Variants in KLF8 observed in about 807,000 individuals in gnomAD.
KLF8 encodes the protein KLF transcription factor 8.
A neutral mutation model predicts 18.2 loss-of-function variants in KLF8; 10 were observed. The observed-to-expected ratio is 0.55, with a 90% CI of 0.34 to 0.93. The LOEUF is 0.93. Ranked by LOEUF, KLF8 falls within the 40% of genes least tolerant of loss-of-function variation. The pLI is 0.02. For synonymous variants in KLF8, 109 were observed against 97.3 expected (o/e 1.12, Z -0.71); for missense variants, 264 against 277.9 (o/e 0.95, Z 0.36).
At chrX:56,146,541 A>G in the KLF8 span, among the ~76,000 whole-genome samples, 1 of 110,599 alleles carries the variant, frequency 9.0e-6, no homozygotes, top group African/African-American at 3.3e-5. Context: ...GGAGGGGAAC[A>G]TCACACGCTG....
At chrX:55,987,902 G>T in the KLF8 span, among the ~76,000 whole-genome samples, 1 of 111,997 alleles carries the variant, frequency 8.9e-6, no homozygotes, top group East Asian at 2.8e-4. Flanking sequence ...TCTAACTGGT[G>T]TGAGATGGTA....
the KLF8 span, among the ~76,000 whole-genome samples, chrX:55,934,739 T>A: frequency 8.9e-6 from 1 of 112,316 alleles, no homozygotes; most frequent in African/African-American, 3.2e-5. Context: ...ATGATGCCAT[T>A]AAGAAAAGTA....
chrX:56,185,287 A>C, the KLF8 span, among the ~76,000 whole-genome samples: 17 of 112,083 alleles, frequency 1.5e-4, no homozygotes, highest in Non-Finnish European at 2.8e-4. Context: ...ATAGAAGATG[A>C]AATGAATGAA....
chrX:56,157,892 T>G, the KLF8 span, among the ~76,000 whole-genome samples: 1 of 111,844 alleles, frequency 8.9e-6, no homozygotes, highest in Non-Finnish European at 1.9e-5. Flanking sequence ...CTCTTGAGTT[T>G]AATTAGATCC....
At chrX:56,042,935 G>C in the KLF8 span, among the ~76,000 whole-genome samples, 1 of 111,780 alleles carries the variant, frequency 8.9e-6, no homozygotes, top group Non-Finnish European at 1.9e-5. Flanking sequence ...GTGTACTTCA[G>C]TATGTTTTTG....
At chrX:56,154,162 C>T in the KLF8 span, among the ~76,000 whole-genome samples, 49 of 111,391 alleles carry the variant, frequency 4.4e-4, no homozygotes, top group East Asian at 2.2e-3. Flanking sequence ...GGAGGCATCA[C>T]GCTACCTGAC....
chrX:56,271,037 C>T (rs2067051006), intron 5 of KLF8, among the ~76,000 whole-genome samples: 1 of 112,108 alleles, frequency 8.9e-6, no homozygotes, highest in African/African-American at 3.2e-5. Context: ...TTTTAAAATA[C>T]AGTATAACAA....
chrX:55,981,709 G>A, the KLF8 span, among the ~76,000 whole-genome samples: 53 of 111,791 alleles, frequency 4.7e-4, no homozygotes, highest in South Asian at 8.2e-3. Flanking sequence ...GTGGAATCTT[G>A]GAAAGCATAA....
upstream of KLF8, among the ~76,000 whole-genome samples, chrX:56,231,267 G>A (rs927067694): frequency 8.9e-6 from 1 of 111,834 alleles, no homozygotes; most frequent in Admixed American, 9.4e-5. Flanking sequence ...GGAAAGGAAG[G>A]TAGATGAGAT....
At chrX:56,099,033 C>T in the KLF8 span, among the ~76,000 whole-genome samples, 5 of 111,691 alleles carry the variant, frequency 4.5e-5, no homozygotes, top group South Asian at 3.8e-4. Context: ...ACATATGTCA[C>T]TTTATTGTGC....
At chrX:56,119,544 G>A in the KLF8 span, among the ~76,000 whole-genome samples, 2 of 110,229 alleles carry the variant, frequency 1.8e-5, no homozygotes, top group Non-Finnish European at 3.8e-5. Flanking sequence ...GCTGGGACTA[G>A]AGGCGCATGC....
the KLF8 span, among the ~76,000 whole-genome samples, chrX:56,052,422 G>T: frequency 9.0e-6 from 1 of 111,731 alleles, no homozygotes; most frequent in East Asian, 2.8e-4. Context: ...GGTCTTTGAT[G>T]ATGGTGATGT....
At chrX:56,156,075 T>C in the KLF8 span, among the ~76,000 whole-genome samples, 1 of 112,308 alleles carries the variant, frequency 8.9e-6, no homozygotes, top group African/African-American at 3.2e-5. Flanking sequence ...CCTAGATTGA[T>C]TGCATGTCTT....
At chrX:56,016,335 T>C in the KLF8 span, among the ~76,000 whole-genome samples, 1 of 112,405 alleles carries the variant, frequency 8.9e-6, no homozygotes, top group Non-Finnish European at 1.9e-5. Flanking sequence ...AGATTCCCAA[T>C]GCTGAAGCCC....
the KLF8 span, among the ~76,000 whole-genome samples, chrX:56,143,084 G>T: frequency 1.8e-5 from 2 of 111,350 alleles, no homozygotes; most frequent in Non-Finnish European, 3.8e-5. Flanking sequence ...AAGGCCTTAT[G>T]CACTCTGGGC....
chrX:56,127,141 C>A, the KLF8 span, among the ~76,000 whole-genome samples: 2 of 111,241 alleles, frequency 1.8e-5, no homozygotes, highest in African/African-American at 3.3e-5. Flanking sequence ...CACTTCCCAG[C>A]ACTCTCCATC....
chrX:55,963,036 C>A, the KLF8 span, among the ~76,000 whole-genome samples: 2 of 112,223 alleles, frequency 1.8e-5, no homozygotes, highest in African/African-American at 6.5e-5. Context: ...ATGTTGTTTT[C>A]TGTCTTATTT....
the KLF8 span, among the ~76,000 whole-genome samples, chrX:55,936,343 A>T: frequency 8.9e-6 from 1 of 112,133 alleles, no homozygotes; most frequent in African/African-American, 3.2e-5. Context: ...AAGCAATTAC[A>T]CTCATGGAGG....
the KLF8 span, among the ~76,000 whole-genome samples, chrX:56,039,218 A>G: frequency 4.5e-5 from 5 of 111,468 alleles, no homozygotes; most frequent in African/African-American, 1.6e-4. Flanking sequence ...GTTTAGTTAG[A>G]TTTCATTTTT....
Sources: gnomAD v4.1 joint callset for allele counts (sites outside exome capture counted in the v4.1 genomes callset) on GRCh38, gnomAD v4.1.1 for gene constraint, MANE v1.5 for transcripts, NCBI Gene and HGNC (gene_info 2026-07-23, HGNC 2026-07-21) for gene names.